ICA1L: variants seen among roughly 807,000 people sequenced by gnomAD.
ICA1L encodes islet cell autoantigen 1-like protein.
Under a neutral mutation model 61.3 loss-of-function variants are expected in ICA1L, and 50 were observed. That is an observed-to-expected ratio of 0.82 (90% confidence interval 0.65 to 1.03). The LOEUF is 1.03. Among genes scored for constraint, ICA1L ranks in the 50% least tolerant of loss-of-function variants. The pLI, the probability that ICA1L is intolerant of heterozygous loss-of-function variation, is 0.00. For missense variants in ICA1L, 508 were observed against 556.7 expected, an observed-to-expected ratio of 0.91 and a Z score of 0.88; for synonymous variants, 161 against 191.3, an observed-to-expected ratio of 0.84 and a Z score of 1.31.
Position 202,774,001 on chromosome 2 carries a change from T to A in ICA1L, c.*5532A>T. On this transcript the variant is annotated 3_prime_UTR_variant, in exon 13 of 13. Coordinates refer to ENST00000358299, the MANE Select transcript of ICA1L (RefSeq NM_001288622.3). ...GTATATGGTACTAAGAAGAGTTGGC[T>A]GTTTTATTTTTTTAAATTATGAACT... The A allele has an allele frequency of 1.1e-6, 1 of 897,650 alleles. No homozygotes were observed. Among genetic ancestry groups the A allele is most frequent in the South Asian group, 1.7e-5 (1 of 58,618 alleles). The allele number at this position is 897,650 out of a possible 1,614,324, so 55.6% of individuals were successfully genotyped here.
At chr2:202,806,721 T>A (rs1406612765) in intron 9 of ICA1L, among the ~76,000 whole-genome samples, 1 of 152,250 alleles carries the variant, frequency 6.6e-6, no homozygotes, top group African/African-American at 2.4e-5. Context: ...TACTATGTGC[T>A]ATGGAGTTTC....
intron 1 of ICA1L, among the ~76,000 whole-genome samples, chr2:202,854,792 C>T (rs1190601677): frequency 6.6e-6 from 1 of 152,168 alleles, no homozygotes; most frequent in African/African-American, 2.4e-5. Flanking sequence ...CTTTGGGAGG[C>T]CATGGCGGGC....
At chr2:202,857,949 T>A (rs928459031) in intron 1 of ICA1L, among the ~76,000 whole-genome samples, 1 of 152,080 alleles carries the variant, frequency 6.6e-6, no homozygotes, top group Non-Finnish European at 1.5e-5. Flanking sequence ...AGAATGATGA[T>A]CATTAAAAAG....
intron 2 of ICA1L, among the ~76,000 whole-genome samples, chr2:202,828,535 GATAT>G (rs1693912670): frequency 6.6e-6 from 1 of 152,146 alleles, no homozygotes; most frequent in South Asian, 2.1e-4. Context: ...AGTATGACTT[GATAT>G]ATAATGAGTA....
intron 12 of ICA1L, among the ~76,000 whole-genome samples, chr2:202,784,558 C>T (rs1692518908): frequency 6.6e-6 from 1 of 152,144 alleles, no homozygotes; most frequent in Non-Finnish European, 1.5e-5. Context: ...AATTATATCT[C>T]AGTAAGCTGT....
chr2:202,783,252 A>G (rs181286260), intron 12 of ICA1L, among the ~76,000 whole-genome samples: 1 of 152,362 alleles, frequency 6.6e-6, no homozygotes, highest in African/African-American at 2.4e-5. Flanking sequence ...TTCAGTAGAA[A>G]CAAACCATTT....
Position 202,816,118 on chromosome 2 carries a change from A to T in ICA1L, c.685-109T>A, listed in dbSNP as rs1693526640. ...GATGAACAGTTGCCAAAAAATAAGA[A>T]GCAGGAACTAAATTCAATTTTCCAA... On this transcript the variant is annotated intron_variant, in intron 6 of 12. Transcript: ENST00000358299. The T allele has an allele frequency of 6.6e-6, 4 of 607,886 alleles. No individual in the cohort carries two copies. The East Asian group carries it at 1.3e-4, about 19-fold the overall frequency. The allele number at this position is 607,886 out of a possible 1,614,324, so 37.7% of individuals were successfully genotyped here.
At chr2:202,866,566 T>C (rs997905064) in intron 1 of ICA1L, among the ~76,000 whole-genome samples, 5 of 152,200 alleles carry the variant, frequency 3.3e-5, no homozygotes, top group African/African-American at 1.2e-4. Flanking sequence ...GATATCCATA[T>C]GTCAAAAGAA....
intron 8 of ICA1L, among the ~76,000 whole-genome samples, chr2:202,812,642 G>C (rs1693412890): frequency 6.6e-6 from 1 of 151,556 alleles, no homozygotes; most frequent in South Asian, 2.1e-4. Context: ...CCTCACAGTT[G>C]CTAGTATTGA....
chr2:202,847,556 A>T (rs1443223455), intron 1 of ICA1L, among the ~76,000 whole-genome samples: 1 of 151,992 alleles, frequency 6.6e-6, no homozygotes, highest in Non-Finnish European at 1.5e-5. Flanking sequence ...CGAATAATGA[A>T]GTAAATGGAT....
chr2:202,836,782 A>T (rs1694158846), intron 1 of ICA1L, among the ~76,000 whole-genome samples: 1 of 67,608 alleles, frequency 1.5e-5, no homozygotes, highest in Non-Finnish European at 3.9e-5. Flanking sequence ...ACAATTTGTT[A>T]GTGTGTGTAT....
chr2:202,841,537 C>G (rs1033757162), intron 1 of ICA1L: 1 of 721,276 alleles, frequency 1.4e-6, no homozygotes, highest in Non-Finnish European at 2.6e-6. Flanking sequence ...GTTCCACCTC[C>G]AGGTTAAGGG....
intron 10 of ICA1L, 57 bp downstream of exon 10, chr2:202,796,833 A>G (rs959591484): frequency 3.4e-5 from 36 of 1,057,032 alleles, no homozygotes; most frequent in Non-Finnish European, 5.0e-5. Flanking sequence ...ATAAATGTTA[A>G]ATAAAAATTG....
At chr2:202,844,300 C>T (rs755468199) in intron 1 of ICA1L, 2 of 151,942 alleles carry the variant, frequency 1.3e-5, no homozygotes, top group Non-Finnish European at 2.9e-5. Context: ...CACTTGAGCC[C>T]AGGAGTTTGA....
chr2:202,858,710 C>G (rs562804504), intron 1 of ICA1L, among the ~76,000 whole-genome samples: 1 of 152,280 alleles, frequency 6.6e-6, no homozygotes, highest in Admixed American at 6.5e-5. Flanking sequence ...GATGTCATAG[C>G]CATGGTTTGC....
At chr2:202,840,673 C>A (rs1477523644) in intron 1 of ICA1L, 46 of 594,460 alleles carry the variant, frequency 7.7e-5, no homozygotes, top group Non-Finnish European at 3.6e-5. Context: ...ACTCATGCAG[C>A]TGCTACGCCA....
intron 10 of ICA1L, among the ~76,000 whole-genome samples, chr2:202,796,674 C>T (rs898349233): frequency 2.0e-5 from 3 of 152,178 alleles, no homozygotes; most frequent in African/African-American, 7.2e-5. Context: ...AGACACAGCC[C>T]TAGCTGTCCT....
At chr2:202,846,822 C>T (rs1374255913) in intron 1 of ICA1L, among the ~76,000 whole-genome samples, 1 of 152,058 alleles carries the variant, frequency 6.6e-6, no homozygotes, top group Non-Finnish European at 1.5e-5. Flanking sequence ...GACTAATAAT[C>T]AGTAAGTGCA....
intron 9 of ICA1L, among the ~76,000 whole-genome samples, chr2:202,807,065 C>T (rs1202520872): frequency 6.6e-6 from 1 of 152,160 alleles, no homozygotes; most frequent in Non-Finnish European, 1.5e-5. Flanking sequence ...CTTAATAGAA[C>T]TCTCCAGCCA....
Sources: allele counts gnomAD v4.1 joint callset (sites outside exome capture counted in the v4.1 genomes callset), GRCh38; gene constraint gnomAD v4.1.1; transcripts MANE v1.5; gene names NCBI Gene and HGNC (gene_info 2026-07-23, HGNC 2026-07-21).